The following CYP4X1 variants were observed in gnomAD, a reference collection of about 807,000 sequenced individuals.
CYP4X1 encodes cytochrome P450 family 4 subfamily X member 1, also known as cytochrome P450 4X1.
Under a neutral mutation model 57.9 loss-of-function variants are expected in CYP4X1, and 44 were observed. That is an observed-to-expected ratio of 0.76 (90% CI 0.60 to 0.98). The LOEUF (loss-of-function observed/expected upper bound fraction) is 0.98, where lower values mean the gene tolerates loss of function less well. CYP4X1 is among the 50% of genes least tolerant of loss of function. CYP4X1 has a pLI of 0.00. For missense variants in CYP4X1, 532 were observed against 623.9 expected (o/e 0.85, Z 1.57); for synonymous variants, 227 against 228.6 (o/e 0.99, Z 0.06).
upstream of CYP4X1, among the ~76,000 whole-genome samples, chr1:47,023,244 T>C (rs888360654): frequency 6.6e-6 from 1 of 152,242 alleles, no homozygotes; most frequent in Non-Finnish European, 1.5e-5. Context: ...CCCCGTTCAG[T>C]GTTCAGTGCC....
chr1:47,049,861 A>G, intron 11 of CYP4X1, 139 bp from the exon 12 acceptor site: 1 of 946,618 alleles, frequency 1.1e-6, no homozygotes, highest in Non-Finnish European at 1.6e-6. Context: ...ATTTAAGTCT[A>G]AAGTTCAAAA....
At chr1:46,988,612 G>A in the CYP4X1 span, among the ~76,000 whole-genome samples, 5 of 152,152 alleles carry the variant, frequency 3.3e-5, no homozygotes, top group Non-Finnish European at 5.9e-5. Flanking sequence ...TATCCCTGAG[G>A]AACATCGATG....
chr1:47,020,509 T>A (rs571724224), upstream of CYP4X1, among the ~76,000 whole-genome samples: 2 of 152,360 alleles, frequency 1.3e-5, no homozygotes, highest in East Asian at 3.9e-4. Context: ...TCAGCATCAC[T>A]TTCTGTGATA....
At chr1:47,015,761 T>C in the CYP4X1 span, among the ~76,000 whole-genome samples, 1 of 152,118 alleles carries the variant, frequency 6.6e-6, no homozygotes, top group Non-Finnish European at 1.5e-5. Context: ...AAAAAATGGC[T>C]AGGACTGGCT....
chr1:47,028,163 A>AGTGT (rs1224632066), intron 1 of CYP4X1, among the ~76,000 whole-genome samples: 6 of 152,078 alleles, frequency 3.9e-5, no homozygotes, highest in Non-Finnish European at 8.8e-5. Flanking sequence ...TACATATGCA[A>AGTGT]GTGTGTGTGT....
chr1:47,025,349 A>G (rs1004161903), intron 1 of CYP4X1, among the ~76,000 whole-genome samples: 3 of 152,188 alleles, frequency 2.0e-5, no homozygotes, highest in Non-Finnish European at 4.4e-5. Flanking sequence ...TGCTTCTTGT[A>G]CAGCCTGCAG....
chr1:47,017,242 T>C, the CYP4X1 span, among the ~76,000 whole-genome samples: 2 of 152,204 alleles, frequency 1.3e-5, no homozygotes, highest in Non-Finnish European at 2.9e-5. Flanking sequence ...CTGGATCATA[T>C]GGTAGCTCTA....
chr1:46,994,942 GGAGTAGAAACTTC>G, the CYP4X1 span, among the ~76,000 whole-genome samples: 1 of 152,280 alleles, frequency 6.6e-6, no homozygotes, highest in Non-Finnish European at 1.5e-5. Flanking sequence ...TGATTACAGA[GGAGTAGAAACTTC>G]TGTTAAAAAT....
chr1:47,023,611 G>C, upstream of CYP4X1: 2 of 1,324,382 alleles, frequency 1.5e-6, no homozygotes, highest in South Asian at 2.3e-5. Context: ...TTTGGTAACC[G>C]GCTAGAAATC....
chr1:47,047,911 A>G (rs1338835845), intron 9 of CYP4X1, among the ~76,000 whole-genome samples: 1 of 152,064 alleles, frequency 6.6e-6, no homozygotes, highest in Non-Finnish European at 1.5e-5. Context: ...CTGTGCTTTT[A>G]TACCTAAATT....
chr1:47,036,034 C>G lies in CYP4X1; in HGVS notation c.638C>G (p.Ala213Gly). 6.2e-7 allele frequency: 1 copy of G among 1,613,014 alleles called. No individual in the cohort carries two copies. The highest frequency in any genetic ancestry group is 8.5e-7 in the Non-Finnish European group (1 of 1,179,222). The change falls in exon 6 of 12, where the codon GCA becomes GGA. Residue 213 changes from alanine (A) to glycine (G), a missense_variant. Transcript: ENST00000371901. Reference protein sequence around the residue: ...CQTNSTHDPYAKAIFELSKII... With the variant: ...CQTNSTHDPYGKAIFELSKII... ...TCTTCTAGCACCCATGATCCTTATG[C>G]AAAAGCCATATTTGAACTCAGCAAA...
intron 3 of CYP4X1, 31 bp from the exon 4 acceptor site, chr1:47,033,210 G>T (rs371139627): frequency 1.3e-5 from 21 of 1,606,476 alleles, no homozygotes; most frequent in Non-Finnish European, 1.6e-5. Flanking sequence ...TAATTAAATG[G>T]CATAAGGTTT....
chr1:46,988,554 T>C, the CYP4X1 span, among the ~76,000 whole-genome samples: 1 of 152,096 alleles, frequency 6.6e-6, no homozygotes, highest in African/African-American at 2.4e-5. Flanking sequence ...ATCATCGTAA[T>C]ACCAAAACCT....
At chr1:46,979,608 T>C in the CYP4X1 span, among the ~76,000 whole-genome samples, 5 of 151,984 alleles carry the variant, frequency 3.3e-5, no homozygotes, top group Admixed American at 6.6e-5. Flanking sequence ...AAAGAGGGAA[T>C]CCTCCCTAAC....
At chr1:47,049,187 A>T (rs1389576193) in intron 10 of CYP4X1, among the ~76,000 whole-genome samples, 1 of 152,250 alleles carries the variant, frequency 6.6e-6, no homozygotes, top group Middle Eastern at 3.2e-3. Flanking sequence ...CCCTAAAAAA[A>T]TGTGAAACAT....
the CYP4X1 span, among the ~76,000 whole-genome samples, chr1:47,001,633 C>T: frequency 5.3e-5 from 8 of 152,168 alleles, no homozygotes; most frequent in African/African-American, 1.4e-4. Flanking sequence ...TGCCCTTACG[C>T]CTCGGTCCAA....
At chr1:47,036,370 T>TTTTATATATATATATATATATATA (rs1553152517) in intron 6 of CYP4X1, among the ~76,000 whole-genome samples, 199 bp downstream of exon 6, 1 of 129,824 alleles carries the variant, frequency 7.7e-6, no homozygotes, top group Admixed American at 7.8e-5. Context: ...ATCAGAATTT[T>TTTTATATATATATATATATATATA]TATATATATA....
intron 6 of CYP4X1, 112 bp from the exon 7 acceptor site, chr1:47,038,548 T>C (rs1557607098): frequency 1.5e-6 from 1 of 674,900 alleles, no homozygotes; most frequent in South Asian, 2.6e-5. Context: ...TAGATCTATT[T>C]AAACGTCTGG....
In CYP4X1 at chr1:47,030,115, A is replaced by G. The variant is rs753023775; in HGVS notation, c.303A>G (p.Thr101=). ...FCIYDPDYAK[T]LLSRTDPKSQ... Reference sequence around the variant, plus strand: ...TCTATGACCCAGACTATGCAAAGACACTTCTGAGCAGAACAGGTAAGAAGA... The same window carrying G: ...TCTATGACCCAGACTATGCAAAGACGCTTCTGAGCAGAACAGGTAAGAAGA... The change falls in exon 2 of 12, where the codon ACA becomes ACG. Residue 101 remains threonine, a synonymous_variant. Transcript: ENST00000371901. The G allele has an allele frequency of 1.2e-6, 2 of 1,613,702 alleles. No individual in the cohort carries two copies. Among genetic ancestry groups the G allele is most frequent in the African/African-American group, 2.7e-5 (2 of 74,900 alleles).
Sources: allele counts gnomAD v4.1 joint callset (sites outside exome capture counted in the v4.1 genomes callset), GRCh38; gene constraint gnomAD v4.1.1; transcripts MANE v1.5; gene names NCBI Gene and HGNC (gene_info 2026-07-23, HGNC 2026-07-21).